The following SFPQ variants were observed in gnomAD, a reference collection of about 807,000 sequenced individuals.
SFPQ encodes the protein splicing factor, proline- and glutamine-rich.
Under a neutral mutation model 72.9 loss-of-function variants are expected in SFPQ, and 11 were observed. The observed-to-expected ratio is 0.15, with a 90% CI of 0.09 to 0.25. The LOEUF is 0.25. Ranked by LOEUF, SFPQ falls within the 10% of genes least tolerant of loss-of-function variation. The pLI, the probability that SFPQ is intolerant of heterozygous loss-of-function variation, is 1.00. For missense variants in SFPQ, 847 were observed against 993.3 expected (o/e 0.85, Z 1.98); for synonymous variants, 506 against 367.3 (o/e 1.38, Z -4.32).
Position 35,192,263 on chromosome 1 carries a change from CGCCGGGCGG to C in SFPQ, c.778_786del (p.Pro260_Gly262del), listed in dbSNP as rs1400628261. 6.8e-7 allele frequency: 1 copy of C among 1,463,782 alleles called. No homozygotes were observed. The highest frequency in any genetic ancestry group is 1.3e-5 in the South Asian group (1 of 76,940). The allele number at this position is 1,463,782 out of a possible 1,614,324, so 90.7% of individuals were successfully genotyped here. On this transcript the variant is annotated inframe_deletion, in exon 1 of 10. Coordinates refer to ENST00000357214, the MANE Select transcript of SFPQ (RefSeq NM_005066.3). Reference sequence around the variant, plus strand: ...TTCTCCTCGCTGCGGCCGCCGGGCCCGCCGGGCGGGGGCCCCTGGTGATGCTGCTGGTGG... The same window carrying C: ...TTCTCCTCGCTGCGGCCGCCGGGCCCGGGCCCCTGGTGATGCTGCTGGTGG...
chr1:35,192,074 G>GCCCCGCAGGCCGCCCCGC (rs1553154275), intron 1 of SFPQ, 148 bp downstream of exon 1: 4 of 513,460 alleles, frequency 7.8e-6, no homozygotes, highest in African/African-American at 2.0e-5. Flanking sequence ...CCGACCGACG[G>GCCCCGCAGGCCGCCCCGC]CCCCGCAGGC....
In SFPQ at chr1:35,186,983, TC is replaced by T; in HGVS notation, c.1986+17del. The T allele has an allele frequency of 6.2e-7, 1 of 1,603,424 alleles. No homozygotes were observed. The highest frequency in any genetic ancestry group is 8.5e-7 in the Non-Finnish European group (1 of 1,173,470). On this transcript the variant is annotated intron_variant, in intron 9 of 9. Transcript: ENST00000357214. The stretch of plus-strand genomic sequence containing the variant: ...AAATGAGAATTTCCTTGGTACTACG[TC>T]CCACAGGATACATTACCATGTCACT...
chr1:35,180,215 C>G (rs183062335), downstream of SFPQ: 4 of 1,052,062 alleles, frequency 3.8e-6, no homozygotes, highest in Admixed American at 5.5e-5. Context: ...AAAACTGTCT[C>G]TCATGCATGC....
chr1:35,192,372 C>T lies in SFPQ; in HGVS notation c.678G>A (p.Thr226=), dbSNP rs1311593466. 1 of 1,390,802 alleles carries T rather than the reference C, an allele frequency of 7.2e-7. No homozygotes were observed. Among genetic ancestry groups the T allele is most frequent in the South Asian group, 1.6e-5 (1 of 62,292 alleles). The allele number at this position is 1,390,802 out of a possible 1,614,324, so 86.2% of individuals were successfully genotyped here. ...GCGGCGGCTTGGGGTGGCCGCCAGG[C>T]GTACTTAGGCCCGGGCCGCCACCTG... ...PKPGGGPGLS[T]PGGHPKPPHR... is the part of the protein sequence containing the mutation. The change falls in exon 1 of 10, where the codon ACG becomes ACA. Residue 226 remains threonine, a synonymous_variant. Coordinates refer to ENST00000357214, the MANE Select transcript of SFPQ (RefSeq NM_005066.3).
chr1:35,179,335 G>C, downstream of SFPQ: 2 of 1,058,334 alleles, frequency 1.9e-6, no homozygotes, highest in Non-Finnish European at 2.3e-6. Context: ...TGCATTCTTG[G>C]TAGGTTTGCA....
At chr1:35,184,833 T>C (rs1639633160) in intron 9 of SFPQ, among the ~76,000 whole-genome samples, 1 of 152,256 alleles carries the variant, frequency 6.6e-6, no homozygotes, top group African/African-American at 2.4e-5. Context: ...AGAACAGATC[T>C]TCCCTGTAGT....
At position 35,192,469 on chromosome 1, in the gene SFPQ, G is replaced by C; in HGVS notation, c.581C>G (p.Pro194Arg). The C allele has an allele frequency of 7.4e-7, 1 of 1,347,462 alleles. No individual in the cohort carries two copies. Among genetic ancestry groups the C allele is most frequent in the Non-Finnish European group, 9.5e-7 (1 of 1,057,368 alleles). The allele number at this position is 1,347,462 out of a possible 1,614,324, so 83.5% of individuals were successfully genotyped here. The change falls in exon 1 of 10, where the codon CCG (proline) becomes CGG (arginine). Residue 194 changes from proline (P) to arginine (R), a missense_variant. By Grantham distance (103) the Pro-to-Arg change is moderately radical (BLOSUM62 -2). Coordinates refer to ENST00000357214, the MANE Select transcript of SFPQ (RefSeq NM_005066.3). ...PPPPPAAVPG[P>R]GPGPKQGPGP... ...TGGGCCCTGCTTAGGCCCTGGACCC[G>C]GGCCCGGGACTGCCGCGGGCGGAGG... is the stretch of plus-strand genomic sequence containing the variant.
downstream of SFPQ, chr1:35,182,661 G>A: frequency 1.0e-6 from 1 of 985,328 alleles, no homozygotes. Context: ...TTGCCAATTA[G>A]CACCAAGAAA....
At chr1:35,192,010 C>A (rs1349639101) in intron 1 of SFPQ, among the ~76,000 whole-genome samples, 16 of 152,050 alleles carry the variant, frequency 1.1e-4, no homozygotes, top group Admixed American at 1.0e-3. Context: ...AAGGAAACCT[C>A]CCCTAGCCTT....
In SFPQ at chr1:35,193,103, T is replaced by C. The variant is rs766983527; in HGVS notation, c.-54A>G. ...AAGCGAAGAAGACGCTCAGGAAACG[T>C]GGAGGCCACCTTGCTTCTCACAAAA... On this transcript the variant is annotated 5_prime_UTR_variant, in exon 1 of 10. Transcript: ENST00000357214. 5.3e-6 allele frequency: 8 copies of C among 1,499,948 alleles called. No homozygotes were observed. The highest frequency in any genetic ancestry group is 5.3e-6 in the Non-Finnish European group (6 of 1,133,222). 92.9% of individuals were successfully genotyped at this position (1,499,948 alleles called of 1,614,324 possible). A position where few individuals can be genotyped will look rare whatever the true frequency, so the allele number is the denominator to read the frequency against.
chr1:35,186,957 A>G (rs1639749575), intron 9 of SFPQ, 44 bp downstream of exon 9: 1 of 1,569,630 alleles, frequency 6.4e-7, no homozygotes, highest in African/African-American at 1.4e-5. Flanking sequence ...CTAAGTTGTG[A>G]AAATGAGAAT....
downstream of SFPQ, chr1:35,179,480 A>C: frequency 9.5e-7 from 1 of 1,055,626 alleles, no homozygotes; most frequent in Non-Finnish European, 1.1e-6. Flanking sequence ...ATTAAAAATA[A>C]TTTTGGTTTG....
rs757657974 is a variant in SFPQ, at chr1:35,189,361, A to C, written c.1437T>G (p.Arg479=). The C allele has an allele frequency of 1.2e-6, 2 of 1,613,946 alleles. No individual in the cohort carries two copies. Among genetic ancestry groups the C allele is most frequent in the Admixed American group, 1.7e-5 (1 of 59,970 alleles). Residue 479 remains arginine, a synonymous_variant, in exon 5 of 10, where the codon CGT becomes CGG. Coordinates refer to ENST00000357214, the MANE Select transcript of SFPQ (RefSeq NM_005066.3). ...ACTCAAACGTGCCATGCTGGGCAAA[A>C]CGAGGAGGGGTTTCTCTCTCCCTAA... ...MYQKERETPP[R]FAQHGTFEYE... is the part of the protein sequence containing the mutation.
At chr1:35,178,089 G>T, downstream of SFPQ, 1 of 1,225,670 alleles carries the variant, frequency 8.2e-7, no homozygotes, top group Non-Finnish European at 1.0e-6. Flanking sequence ...TAAAATAAAG[G>T]TTTGAAAATG....
downstream of SFPQ, chr1:35,181,594 A>T (rs1639468707): frequency 9.4e-7 from 1 of 1,060,912 alleles, no homozygotes; most frequent in African/African-American, 1.7e-5. Flanking sequence ...CTGGGGTCTT[A>T]ACAATATGCA....
At position 35,190,995 on chromosome 1, in the gene SFPQ, C is replaced by G; in HGVS notation, c.1018G>C (p.Glu340Gln). 2 of 1,612,002 alleles carry G rather than the reference C, an allele frequency of 1.2e-6. No homozygotes were observed. The highest frequency in any genetic ancestry group is 1.7e-6 in the Non-Finnish European group (2 of 1,178,992). The change falls in exon 3 of 10, where the codon GAA becomes CAA. Residue 340 changes from glutamate to glutamine, a missense_variant and splice_region_variant. This residue lies in a region of SFPQ where 9 missense variants were observed against 50.0 expected (regional missense o/e 0.18). Transcript: ENST00000357214. Reference protein sequence around the residue: ...KGKGFGFIKLESRALAEIAKA... With the variant: ...KGKGFGFIKLQSRALAEIAKA... ...GCAATTTCAGCCAAAGCTCTAGATT[C>G]CTGTGTATCAGAGACACTCATGTTA...
intron 1 of SFPQ, among the ~76,000 whole-genome samples, chr1:35,191,896 C>T (rs889043334): frequency 6.6e-6 from 1 of 152,378 alleles, no homozygotes; most frequent in Non-Finnish European, 1.5e-5. Context: ...TATGGAACTT[C>T]CCGGTTCTCT....
In SFPQ at chr1:35,184,416, AAAAAC is replaced by A. The variant is rs768908972; in HGVS notation, c.*35_*39del. 1.9e-5 allele frequency: 30 copies of A among 1,592,322 alleles called. No homozygotes were observed. The South Asian group carries it at 3.5e-4, about 18-fold the overall frequency. On this transcript the variant is annotated 3_prime_UTR_variant, in exon 10 of 10. Coordinates refer to ENST00000357214, the MANE Select transcript of SFPQ (RefSeq NM_005066.3). The stretch of plus-strand genomic sequence containing the variant: ...ATTTAAAAGATTGGTATCTAAACAA[AAAAAC>A]AAAACAAACTGGAATGAAAGCCTAA...
chr1:35,183,473 T>A lies in SFPQ; in HGVS notation c.*983A>T. ...ATCTCATGATTTGCCCACCTCAGCC[T>A]CCCAAAGTGCTGGGATTACAGGCGT... is the stretch of plus-strand genomic sequence containing the variant. On this transcript the variant is annotated 3_prime_UTR_variant, in exon 10 of 10. Transcript: ENST00000357214. 1 of 749,392 alleles carries A rather than the reference T, an allele frequency of 1.3e-6. No individual in the cohort carries two copies. The highest frequency in any genetic ancestry group is 1.6e-6 in the Non-Finnish European group (1 of 607,236). The allele number at this position is 749,392 out of a possible 1,614,324, so 46.4% of individuals were successfully genotyped here.
Sources: gnomAD v4.1 joint callset for allele counts (sites outside exome capture counted in the v4.1 genomes callset) on GRCh38, gnomAD v4.1.1 for gene constraint, gnomAD v4.1.1 regional missense constraint, MANE v1.5 for transcripts, NCBI Gene and HGNC (gene_info 2026-07-23, HGNC 2026-07-21) for gene names.